Variants in CSNK1D observed in about 807,000 individuals in gnomAD.
The protein encoded by CSNK1D is casein kinase 1 delta.
A neutral mutation model predicts 46.6 loss-of-function variants in CSNK1D; 16 were observed. That is an observed-to-expected ratio of 0.34 (90% CI 0.23 to 0.52). CSNK1D has a LOEUF of 0.52. Among genes scored for constraint, CSNK1D ranks in the 20% least tolerant of loss-of-function variants. The pLI is 0.95. For synonymous variants in CSNK1D, 276 were observed against 228.2 expected (o/e 1.21, Z -1.89); for missense variants, 398 against 578.4 (o/e 0.69, Z 3.20).
downstream of CSNK1D, chr17:82,239,085 G>A: frequency 4.5e-6 from 5 of 1,113,140 alleles, no homozygotes; most frequent in South Asian, 5.5e-5. Context: ...CTGGGCTCCA[G>A]CTGCCGGCCC....
chr17:82,240,762 G>A (rs2050731502), downstream of CSNK1D, among the ~76,000 whole-genome samples: 1 of 152,200 alleles, frequency 6.6e-6, no homozygotes, highest in African/African-American at 2.4e-5. Flanking sequence ...GTCCAGATGT[G>A]GGAAGGCAGC....
chr17:82,240,943 G>A (rs1002148392), downstream of CSNK1D, among the ~76,000 whole-genome samples: 3 of 152,202 alleles, frequency 2.0e-5, no homozygotes, highest in Non-Finnish European at 2.9e-5. Flanking sequence ...TGAAGGGGAA[G>A]GGAAGGGAAG....
At chr17:82,240,966 T>C (rs1568545839), downstream of CSNK1D, among the ~76,000 whole-genome samples, 1 of 152,140 alleles carries the variant, frequency 6.6e-6, no homozygotes, top group Non-Finnish European at 1.5e-5. Context: ...CGGAGCCCAC[T>C]GGGAAGAAGC....
chr17:82,262,952 G>A (rs562670907), intron 2 of CSNK1D, among the ~76,000 whole-genome samples: 2 of 152,328 alleles, frequency 1.3e-5, no homozygotes, highest in East Asian at 3.9e-4. Flanking sequence ...GGCCAAGGTG[G>A]GCAGATCGCC....
rs780104200 is a variant in CSNK1D at position 82,251,359 on chromosome 17, G to A, written c.885+20C>T. Reference sequence around the variant, plus strand: ...CCCCCGCACACCACACTCAGCGAACGTGCTGGCAGTGCGACTTACAAATTT... The same window carrying A: ...CCCCCGCACACCACACTCAGCGAACATGCTGGCAGTGCGACTTACAAATTT... On this transcript the variant is annotated intron_variant, in intron 6 of 8. Transcript: ENST00000314028. The surrounding 1 kb of genome is among the most constrained non-coding windows in gnomAD (Gnocchi z 4.5). 5 of 1,613,872 alleles carry A rather than the reference G, an allele frequency of 3.1e-6. No homozygotes were observed. The highest frequency in any genetic ancestry group is 1.1e-5 in the South Asian group (1 of 91,078).
chr17:82,251,328 A>T lies in CSNK1D; in HGVS notation c.885+51T>A. 6.2e-7 allele frequency: 1 copy of T among 1,610,780 alleles called. No homozygotes were observed. Among genetic ancestry groups the T allele is most frequent in the Non-Finnish European group, 8.5e-7 (1 of 1,177,394 alleles). On this transcript the variant is annotated intron_variant, in intron 6 of 8. Transcript: ENST00000314028. This position sits in a 1 kb window ranked among gnomAD's most constrained non-coding sequence, Gnocchi z 4.5. ...GACGGCCGCCGGCCTCTCACTGACA[A>T]GCCATCCCCCGCACACCACACTCAG...
intron 2 of CSNK1D, among the ~76,000 whole-genome samples, chr17:82,261,767 G>A (rs367965534): frequency 4.6e-5 from 7 of 152,232 alleles, no homozygotes; most frequent in East Asian, 1.9e-4. Flanking sequence ...CCTCGATACC[G>A]TACATGTTAC....
rs796656367 is a variant in CSNK1D at position 82,272,347 on chromosome 17, G to GA, written c.76+958dup. ...CAACAAGAGCGAAACTCCGTCTCAG[G>GA]AAAAAAAAAAAAATTACAAACTTGA... is the stretch of plus-strand genomic sequence containing the variant. On this transcript the variant is annotated intron_variant, in intron 1 of 8. Coordinates refer to ENST00000314028, the MANE Select transcript of CSNK1D (RefSeq NM_001893.6). 2.1e-3 allele frequency: 303 copies of GA among 144,622 alleles called. 1 individual carries two copies. The highest frequency in any genetic ancestry group is 0.014 in the Middle Eastern group (4 of 280). 9.0% of individuals were successfully genotyped at this position (144,622 alleles called of 1,614,324 possible). A position where few individuals can be genotyped will look rare whatever the true frequency, so the allele number is the denominator to read the frequency against.
At chr17:82,253,288 T>C in intron 3 of CSNK1D, 44 bp from the exon 4 acceptor site, 1 of 1,495,204 alleles carries the variant, frequency 6.7e-7, no homozygotes, top group Non-Finnish European at 9.3e-7. Context: ...CAGGGCAGTC[T>C]CAGGGAGGGA....
intron 2 of CSNK1D, among the ~76,000 whole-genome samples, chr17:82,258,480 C>T (rs541631208): frequency 1.3e-5 from 2 of 152,218 alleles, no homozygotes; most frequent in Non-Finnish European, 2.9e-5. Context: ...TGTTAGCACT[C>T]ATAAAGTTCC....
At position 82,269,449 on chromosome 17, in the gene CSNK1D, C is replaced by T. The variant is rs1430087134; in HGVS notation, c.77-3653G>A. On this transcript the variant is annotated intron_variant, in intron 1 of 8. Transcript: ENST00000314028. ...CTCATGGCTGGTCAGCATCTTGGGG[C>T]CCTATTGCATACCAGGCACCCTGCA... Among the ~76,000 whole-genome samples the T allele has an allele frequency of 2.0e-5, 3 of 152,304 alleles. No homozygotes were observed. In the East Asian group the frequency reaches 5.8e-4, roughly 29 times the overall value.
intron 1 of CSNK1D, chr17:82,266,694 G>T (rs1313032472): frequency 6.6e-6 from 1 of 152,578 alleles, no homozygotes; most frequent in African/African-American, 2.4e-5. Context: ...AACCGAACAG[G>T]AGAGAAAAAG....
chr17:82,253,626 T>C (rs907460227), intron 3 of CSNK1D: 1 of 357,362 alleles, frequency 2.8e-6, no homozygotes, highest in Non-Finnish European at 5.5e-6. Flanking sequence ...CCTGAGAGAC[T>C]GAGGAACCCA....
At chr17:82,247,480 T>C (rs1472390449) in intron 8 of CSNK1D, 1 of 985,354 alleles carries the variant, frequency 1.0e-6, no homozygotes, top group African/African-American at 1.7e-5. Flanking sequence ...TCCCTAGTCT[T>C]TGTCAGCCAA....
In CSNK1D at chr17:82,273,458, G is replaced by T; in HGVS notation, c.-77C>A. 1 of 1,559,582 alleles carries T rather than the reference G, an allele frequency of 6.4e-7. No individual in the cohort carries two copies. The highest frequency in any genetic ancestry group is 8.7e-7 in the Non-Finnish European group (1 of 1,146,264). The stretch of plus-strand genomic sequence containing the variant: ...AACTCTGGGAGGCGGCGCCGCTGCT[G>T]CCGCTACTGCGGGTCCGGCTCCCGG... On this transcript the variant is annotated 5_prime_UTR_variant, in exon 1 of 9. Coordinates refer to ENST00000314028, the MANE Select transcript of CSNK1D (RefSeq NM_001893.6). The surrounding 1 kb of genome is among the most constrained non-coding windows in gnomAD (Gnocchi z 5.1).
chr17:82,239,365 C>T (rs544798214), downstream of CSNK1D: 242 of 192,696 alleles, frequency 1.3e-3, no homozygotes, highest in African/African-American at 5.1e-3. Flanking sequence ...CTCTCCAGCC[C>T]GTCCTACCCT....
intron 1 of CSNK1D, chr17:82,267,081 A>T (rs1363049818): frequency 6.7e-6 from 1 of 150,262 alleles, no homozygotes; most frequent in East Asian, 1.9e-4. Context: ...AAAAAAAAAA[A>T]GGACACTGGA....
chr17:82,252,841 TC>T lies in CSNK1D; in HGVS notation c.565+174del, dbSNP rs953057333. On this transcript the variant is annotated intron_variant, in intron 4 of 8. Transcript: ENST00000314028. This position sits in a 1 kb window ranked among gnomAD's most constrained non-coding sequence, Gnocchi z 4.6. ...ACACATCACAGGTGACTCAGAAATG[TC>T]CCAGCATCCGCCTGCCCCCATACAC... Among the ~76,000 whole-genome samples the T allele has an allele frequency of 1.3e-5, 2 of 152,114 alleles. No homozygotes were observed. The highest frequency in any genetic ancestry group is 4.8e-5 in the African/African-American group (2 of 41,414).
chr17:82,273,671 T>A lies in CSNK1D; in HGVS notation c.-290A>T. 2.0e-6 allele frequency: 1 copy of A among 512,572 alleles called. No individual in the cohort carries two copies. Among genetic ancestry groups the A allele is most frequent in the Non-Finnish European group, 3.4e-6 (1 of 293,356 alleles). 31.8% of individuals were successfully genotyped at this position (512,572 alleles called of 1,614,324 possible). A position where few individuals can be genotyped will look rare whatever the true frequency, so the allele number is the denominator to read the frequency against. On this transcript the variant is annotated 5_prime_UTR_variant, in exon 1 of 9. Transcript: ENST00000314028. The surrounding 1 kb of genome is among the most constrained non-coding windows in gnomAD (Gnocchi z 5.1). The stretch of plus-strand genomic sequence containing the variant: ...TTCCGGGCCTAAATCCCCTTTCAGC[T>A]GCCTAAAGGAGCCGCCGCCATCGCG...
Sources: gnomAD v4.1 joint callset for allele counts (sites outside exome capture counted in the v4.1 genomes callset) on GRCh38, gnomAD v4.1.1 for gene constraint, Gnocchi (gnomAD v3.1) non-coding constraint, MANE v1.5 for transcripts, NCBI Gene and HGNC (gene_info 2026-07-23, HGNC 2026-07-21) for gene names.